The following FARS2 variants were observed in gnomAD, a reference collection of about 807,000 sequenced individuals.
FARS2 encodes the protein phenylalanine--tRNA ligase, mitochondrial.
Under a neutral mutation model 46.4 loss-of-function variants are expected in FARS2, and 40 were observed. The ratio of observed to expected loss-of-function variants is 0.86; its 90% CI spans 0.67 to 1.12. FARS2 has a LOEUF of 1.12. Ranked by LOEUF, FARS2 falls within the 50% of genes most tolerant of loss-of-function variation. The pLI is 0.00. For missense variants in FARS2, 513 were observed against 567.9 expected (o/e 0.90, Z 0.98); for synonymous variants, 234 against 214.9 (o/e 1.09, Z -0.78).
chr6:5,539,384 G>GTGTGTATATATATATC, intron 4 of FARS2, among the ~76,000 whole-genome samples: 1 of 79,582 alleles, frequency 1.3e-5, no homozygotes, highest in African/African-American at 4.6e-5. Flanking sequence ...TTTTTTTTGT[G>GTGTGTATATATATATC]TATATATATA....
At chr6:5,639,334 A>G (rs984824897) in intron 6 of FARS2, among the ~76,000 whole-genome samples, 1 of 152,212 alleles carries the variant, frequency 6.6e-6, no homozygotes, top group Non-Finnish European at 1.5e-5. Context: ...AAGTCCCATC[A>G]TGGGAGTTAC....
At chr6:5,485,672 T>A (rs2150350989) in intron 4 of FARS2, among the ~76,000 whole-genome samples, 1 of 152,330 alleles carries the variant, frequency 6.6e-6, no homozygotes, top group East Asian at 1.9e-4. Context: ...TTTTAACAAA[T>A]GTAAAAAACA....
chr6:5,433,959 T>C (rs1274044096), intron 4 of FARS2, among the ~76,000 whole-genome samples: 1 of 152,254 alleles, frequency 6.6e-6, no homozygotes, highest in Admixed American at 6.5e-5. Context: ...ATGAGGCTGC[T>C]GTTCTGCAAT....
intron 4 of FARS2, among the ~76,000 whole-genome samples, chr6:5,455,711 G>A (rs948009104): frequency 1.4e-5 from 2 of 143,576 alleles, no homozygotes; most frequent in African/African-American, 2.6e-5. Flanking sequence ...ATGTAGGATA[G>A]TAGAAAGAGC....
At chr6:5,444,291 G>A (rs563627398) in intron 4 of FARS2, among the ~76,000 whole-genome samples, 206 of 151,880 alleles carry the variant, frequency 1.4e-3, no homozygotes, top group Non-Finnish European at 1.7e-3. Flanking sequence ...ACATGGTGAA[G>A]CCCCGTCTCT....
chr6:5,552,233 T>G (rs2150517351), intron 5 of FARS2, among the ~76,000 whole-genome samples: 1 of 152,308 alleles, frequency 6.6e-6, no homozygotes, highest in South Asian at 2.1e-4. Flanking sequence ...ACAGAAAACT[T>G]GTTTTATTAC....
At chr6:5,454,040 T>C (rs937810297) in intron 4 of FARS2, among the ~76,000 whole-genome samples, 2 of 152,148 alleles carry the variant, frequency 1.3e-5, no homozygotes, top group Non-Finnish European at 2.9e-5. Context: ...TATTATTGTT[T>C]AGCTTATACA....
intron 5 of FARS2, among the ~76,000 whole-genome samples, chr6:5,604,360 G>A (rs1774705813): frequency 6.6e-6 from 1 of 152,142 alleles, no homozygotes; most frequent in Admixed American, 6.5e-5. Context: ...TGATGTCTTG[G>A]AGTCACAGGT....
chr6:5,337,471 A>C (rs1228038812), intron 1 of FARS2, among the ~76,000 whole-genome samples: 1 of 152,196 alleles, frequency 6.6e-6, no homozygotes, highest in Non-Finnish European at 1.5e-5. Context: ...CATAGAAGGA[A>C]TATCTCCTTT....
chr6:5,531,058 T>C (rs374972211), intron 4 of FARS2, among the ~76,000 whole-genome samples: 1 of 152,088 alleles, frequency 6.6e-6, no homozygotes. Context: ...TATTCTTGAG[T>C]GATAGCATCT....
At chr6:5,508,385 A>G (rs1015139) in intron 4 of FARS2, among the ~76,000 whole-genome samples, 24,914 of 152,270 alleles carry the variant, frequency 0.16, 2,167 homozygotes, top group African/African-American at 0.23. Flanking sequence ...ATTGGAATCT[A>G]TAAGATGAGC....
chr6:5,542,245 C>G (rs969740330), intron 4 of FARS2, among the ~76,000 whole-genome samples: 1 of 152,172 alleles, frequency 6.6e-6, no homozygotes, highest in African/African-American at 2.4e-5. Flanking sequence ...TTATTTTACC[C>G]AGCTCCTACT....
rs762530408 is a variant in FARS2 at position 5,694,943 on chromosome 6, G to C, written c.1218-76348G>C. The C allele has an allele frequency of 4.8e-4, 73 of 152,112 alleles. 1 individual carries two copies. The highest frequency in any genetic ancestry group is 4.6e-3 in the Admixed American group (70 of 15,264). 9.4% of individuals were successfully genotyped at this position (152,112 alleles called of 1,614,324 possible). ...GATCGTTTGAGCCCTGGAAGAGTTC[G>C]AGGCCGCAGTGAGCTATGCTCACAC... is the stretch of plus-strand genomic sequence containing the variant. On this transcript the variant is annotated intron_variant, in intron 6 of 6. Coordinates refer to ENST00000274680, the MANE Select transcript of FARS2 (RefSeq NM_006567.5).
At chr6:5,276,265 G>A (rs992660854) in intron 1 of FARS2, among the ~76,000 whole-genome samples, 1 of 152,220 alleles carries the variant, frequency 6.6e-6, no homozygotes, top group Admixed American at 6.5e-5. Context: ...CTGTATATAT[G>A]TGATAGTAAG....
chr6:5,508,634 A>G (rs905508019), intron 4 of FARS2, among the ~76,000 whole-genome samples: 1 of 152,206 alleles, frequency 6.6e-6, no homozygotes, highest in Non-Finnish European at 1.5e-5. Context: ...ACAGGACAGA[A>G]GTGAGACCGA....
At chr6:5,363,089 GCTA>G (rs1758420690) in intron 1 of FARS2, among the ~76,000 whole-genome samples, 4 of 151,788 alleles carry the variant, frequency 2.6e-5, no homozygotes, top group Non-Finnish European at 4.4e-5. Context: ...ACCATGCTTG[GCTA>G]ATTTTTTATA....
At position 5,577,494 on chromosome 6, in the gene FARS2, C is replaced by T. The variant is rs1773055660; in HGVS notation, c.1065+32154C>T. ...CACTCCATTAAAAGGAAGCAGGGCT[C>T]ATTATAGAAAAGACTGAACTCGTGG... On this transcript the variant is annotated intron_variant, in intron 5 of 6. Coordinates refer to ENST00000274680, the MANE Select transcript of FARS2 (RefSeq NM_006567.5). 1.3e-5 allele frequency among the ~76,000 whole-genome samples: 2 copies of T among 152,128 alleles called. 1 individual carries two copies. Among genetic ancestry groups the T allele is most frequent in the Admixed American group, 1.3e-4 (2 of 15,272 alleles).
At chr6:5,751,974 C>T (rs1424589220) in intron 6 of FARS2, among the ~76,000 whole-genome samples, 1 of 152,198 alleles carries the variant, frequency 6.6e-6, no homozygotes, top group African/African-American at 2.4e-5. Context: ...GGCCCCTCTT[C>T]ATGGGGTGTC....
At position 5,356,801 on chromosome 6, in the gene FARS2, T is replaced by C. The variant is rs1757960577; in HGVS notation, c.-21-11749T>C. 2.0e-5 allele frequency among the ~76,000 whole-genome samples: 3 copies of C among 152,342 alleles called. No individual in the cohort carries two copies. In the South Asian group the frequency reaches 6.2e-4, roughly 32 times the overall value. On this transcript the variant is annotated intron_variant, in intron 1 of 6. Transcript: ENST00000274680. ...GCTAATTTAGCGGTCATAGCAACTT[T>C]ATAGACTATACTGCAGATAAGAAGA...
Sources: allele counts gnomAD v4.1 joint callset (sites outside exome capture counted in the v4.1 genomes callset), GRCh38; gene constraint gnomAD v4.1.1; transcripts MANE v1.5; gene names NCBI Gene and HGNC (gene_info 2026-07-23, HGNC 2026-07-21).